Variants in CDKAL1 observed in about 807,000 individuals in gnomAD.
The protein encoded by CDKAL1 is threonylcarbamoyladenosine tRNA methylthiotransferase.
Under a neutral mutation model 68.2 loss-of-function variants are expected in CDKAL1, and 32 were observed. The observed-to-expected ratio is 0.47, with a 90% CI of 0.35 to 0.63. The LOEUF is 0.63. Among genes scored for constraint, CDKAL1 ranks in the 30% least tolerant of loss-of-function variants. CDKAL1 has a pLI of 0.00. For missense variants in CDKAL1, 606 were observed against 696.7 expected (o/e 0.87, Z 1.47); for synonymous variants, 234 against 244.3 (o/e 0.96, Z 0.39).
chr6:21,220,201 CGTGT>C (rs144863478), intron 15 of CDKAL1, among the ~76,000 whole-genome samples: 2,404 of 150,226 alleles, frequency 0.016, 64 homozygotes, highest in African/African-American at 0.055. Context: ...TGCGTGCGTG[CGTGT>C]GTGTGTGTGT....
intron 9 of CDKAL1, among the ~76,000 whole-genome samples, chr6:20,874,489 TTTTA>T (rs1282761064): frequency 6.6e-6 from 1 of 151,764 alleles, no homozygotes; most frequent in African/African-American, 2.4e-5. Flanking sequence ...TGTATTTTTA[TTTTA>T]TTTATTTGTT....
chr6:21,213,229 T>G (rs1159060510), intron 15 of CDKAL1, among the ~76,000 whole-genome samples: 1 of 152,140 alleles, frequency 6.6e-6, no homozygotes. Flanking sequence ...GTCCATTTGA[T>G]AGGATGGTTT....
At chr6:20,899,062 C>CT (rs149183099) in intron 9 of CDKAL1, among the ~76,000 whole-genome samples, 38 of 113,754 alleles carry the variant, frequency 3.3e-4, no homozygotes, top group Middle Eastern at 4.3e-3. Context: ...TCTTCTAATT[C>CT]TTTTTTTTTT....
intron 11 of CDKAL1, among the ~76,000 whole-genome samples, chr6:21,059,330 T>C (rs1041219095): frequency 1.3e-5 from 2 of 152,190 alleles, no homozygotes; most frequent in Non-Finnish European, 2.9e-5. Context: ...CTCTAGGAAC[T>C]CGGTCATCTT....
chr6:20,669,601 C>T (rs920127282), intron 5 of CDKAL1, among the ~76,000 whole-genome samples: 7 of 152,184 alleles, frequency 4.6e-5, no homozygotes, highest in Non-Finnish European at 7.3e-5. Context: ...TTTCCCTCCG[C>T]GCATCTTAAC....
chr6:21,199,621 G>C (rs1290239196), intron 14 of CDKAL1, among the ~76,000 whole-genome samples: 4 of 152,038 alleles, frequency 2.6e-5, no homozygotes, highest in Admixed American at 2.6e-4. Flanking sequence ...TAAAGCAGTC[G>C]GGCTTTTTCC....
chr6:21,202,788 A>C (rs1408008857), intron 15 of CDKAL1, among the ~76,000 whole-genome samples: 2 of 152,190 alleles, frequency 1.3e-5, no homozygotes, highest in Admixed American at 6.5e-5. Flanking sequence ...ACTGTCTAAA[A>C]GGGCAGTTCC....
At chr6:21,164,249 C>A in intron 13 of CDKAL1, among the ~76,000 whole-genome samples, 1 of 152,000 alleles carries the variant, frequency 6.6e-6, no homozygotes, top group East Asian at 1.9e-4. Flanking sequence ...AAATTATGTA[C>A]CTGCTTGTAG....
intron 11 of CDKAL1, among the ~76,000 whole-genome samples, chr6:21,063,195 A>G (rs1356017030): frequency 1.3e-5 from 2 of 152,214 alleles, no homozygotes; most frequent in Admixed American, 6.5e-5. Flanking sequence ...GATTACAGGC[A>G]TGATCCACTA....
intron 6 of CDKAL1, among the ~76,000 whole-genome samples, chr6:20,746,694 A>G (rs1239055020): frequency 2.6e-5 from 4 of 152,194 alleles, no homozygotes; most frequent in South Asian, 2.1e-4. Flanking sequence ...AAGACTTTAT[A>G]TGTATAGTTC....
chr6:20,739,561 C>T lies in CDKAL1; in HGVS notation c.414C>T (p.Cys138=), dbSNP rs200241414. 1.7e-4 allele frequency: 277 copies of T among 1,612,954 alleles called. No individual in the cohort carries two copies. The highest frequency in any genetic ancestry group is 2.0e-4 in the Non-Finnish European group (233 of 1,179,202). ...EENKKIVLAG[C]VPQAQPRQDY... ...ACAAGAAAATCGTACTGGCTGGATG[C>T]GTTCCTCAAGCCCAGCCTCGCCAGG... The change falls in exon 6 of 16, where the codon TGC becomes TGT. Residue 138 remains cysteine (C), a synonymous_variant. Transcript: ENST00000274695.
At chr6:20,721,875 G>A (rs1391841112) in intron 5 of CDKAL1, among the ~76,000 whole-genome samples, 2 of 151,830 alleles carry the variant, frequency 1.3e-5, no homozygotes, top group Admixed American at 6.6e-5. Flanking sequence ...TGGGACTACA[G>A]GCTTGTGCCA....
rs186785677 is a variant in CDKAL1 at position 20,811,461 on chromosome 6, T to A, written c.638+30196T>A. Reference sequence around the variant, plus strand: ...TTGTCTGTTGTTTCATTTTTTTCTTTCTTCGTTTTTTGCAGTTTATTTAAG... The same window carrying A: ...TTGTCTGTTGTTTCATTTTTTTCTTACTTCGTTTTTTGCAGTTTATTTAAG... On this transcript the variant is annotated intron_variant, in intron 8 of 15. Transcript: ENST00000274695. 3.2e-3 allele frequency among the ~76,000 whole-genome samples: 482 copies of A among 152,332 alleles called. 3 individuals carry two copies. The highest frequency in any genetic ancestry group is 9.1e-3 in the African/African-American group (379 of 41,584).
intron 9 of CDKAL1, among the ~76,000 whole-genome samples, chr6:20,848,283 T>TTTTG (rs112015484): frequency 7.5e-6 from 1 of 132,660 alleles, no homozygotes; most frequent in Non-Finnish European, 1.6e-5. Flanking sequence ...AAAGTTGTTT[T>TTTTG]TTTTTTTTTT....
At chr6:20,891,166 G>A (rs991859904) in intron 9 of CDKAL1, among the ~76,000 whole-genome samples, 2 of 152,334 alleles carry the variant, frequency 1.3e-5, no homozygotes, top group Non-Finnish European at 2.9e-5. Context: ...TGAGTTACAG[G>A]CACTATGGTG....
At chr6:21,091,933 C>A (rs536191532) in intron 12 of CDKAL1, among the ~76,000 whole-genome samples, 16 of 130,516 alleles carry the variant, frequency 1.2e-4, no homozygotes, top group Non-Finnish European at 1.8e-4. Context: ...GTCGCCCAGG[C>A]TGGAGTGCAG....
At chr6:20,779,731 C>T (rs146121938) in intron 7 of CDKAL1, among the ~76,000 whole-genome samples, 171 of 152,218 alleles carry the variant, frequency 1.1e-3, no homozygotes, top group African/African-American at 4.0e-3. Context: ...TTTACAGGTG[C>T]ACACCACCAC....
At chr6:20,918,960 C>A (rs1762835468) in intron 9 of CDKAL1, among the ~76,000 whole-genome samples, 1 of 152,222 alleles carries the variant, frequency 6.6e-6, no homozygotes, top group African/African-American at 2.4e-5. Context: ...CTCACTTCTT[C>A]AGTCAAAACA....
intron 4 of CDKAL1, among the ~76,000 whole-genome samples, chr6:20,599,967 G>C (rs984286743): frequency 6.6e-6 from 1 of 152,126 alleles, no homozygotes; most frequent in Non-Finnish European, 1.5e-5. Context: ...TTTCATACTA[G>C]AAATGGTGGA....
Sources: gnomAD v4.1 joint callset for allele counts (sites outside exome capture counted in the v4.1 genomes callset) on GRCh38, gnomAD v4.1.1 for gene constraint, MANE v1.5 for transcripts, NCBI Gene and HGNC (gene_info 2026-07-23, HGNC 2026-07-21) for gene names.